Variants in DAB1 observed in about 807,000 individuals in gnomAD.
DAB1 encodes disabled homolog 1.
DAB1 carries 15 observed loss-of-function variants against 64.6 expected under a neutral mutation model. That is an observed-to-expected ratio of 0.23 (90% CI 0.16 to 0.36). The LOEUF is 0.36. DAB1 is among the 10% of genes least tolerant of loss of function. The probability of loss-of-function intolerance (pLI) is 1.00; values close to 1 mark genes in which losing one functional copy is unlikely to be tolerated. For missense variants in DAB1, 596 were observed against 706.7 expected (o/e 0.84, Z 1.78); for synonymous variants, 235 against 251.9 (o/e 0.93, Z 0.64).
intron 2 of DAB1, among the ~76,000 whole-genome samples, chr1:57,223,876 A>C (rs1437803532): frequency 6.6e-6 from 1 of 152,094 alleles, no homozygotes; most frequent in Non-Finnish European, 1.5e-5. Context: ...CCTTCCTGAC[A>C]CCTTGCTTCT....
At chr1:58,259,740 T>C (rs2100415969) in intron 4 of DAB1, among the ~76,000 whole-genome samples, 1 of 152,266 alleles carries the variant, frequency 6.6e-6, no homozygotes, top group South Asian at 2.1e-4. Context: ...TGACAGACTC[T>C]TCCAAACCCA....
At chr1:57,434,769 G>A (rs983445648) in intron 7 of DAB1, among the ~76,000 whole-genome samples, 2 of 152,030 alleles carry the variant, frequency 1.3e-5, no homozygotes, top group East Asian at 1.9e-4. Context: ...AATACTGTAG[G>A]CAATTATAAT....
chr1:57,342,948 AAG>A (rs1677731717), intron 1 of DAB1, among the ~76,000 whole-genome samples: 2 of 152,190 alleles, frequency 1.3e-5, no homozygotes, highest in Admixed American at 1.3e-4. Context: ...GTTTATTGCA[AAG>A]AGAGAAAGAA....
At chr1:58,019,809 A>C (rs1166082297) in intron 5 of DAB1, among the ~76,000 whole-genome samples, 1 of 152,162 alleles carries the variant, frequency 6.6e-6, no homozygotes, top group Non-Finnish European at 1.5e-5. Context: ...AAGAGGGATC[A>C]TCATGCTGGG....
upstream of DAB1, among the ~76,000 whole-genome samples, chr1:57,887,621 T>C (rs186886866): frequency 2.3e-3 from 350 of 152,306 alleles, no homozygotes; most frequent in African/African-American, 8.1e-3. Flanking sequence ...GTGATAGACA[T>C]TGCAAAATGA....
intron 4 of DAB1, among the ~76,000 whole-genome samples, chr1:57,113,556 T>C (rs1487501034): frequency 6.6e-6 from 1 of 152,202 alleles, no homozygotes; most frequent in Non-Finnish European, 1.5e-5. Context: ...ATAGGTAATA[T>C]GTAAACAGAT....
At chr1:58,392,907 TTCC>T (rs1046659028) in intron 3 of DAB1, among the ~76,000 whole-genome samples, 1 of 152,158 alleles carries the variant, frequency 6.6e-6, no homozygotes, top group Non-Finnish European at 1.5e-5. Context: ...TCTCCTGGCT[TTCC>T]TCCTCCTCTC....
chr1:58,457,869 T>C (rs755872679), intron 3 of DAB1, among the ~76,000 whole-genome samples: 4 of 152,204 alleles, frequency 2.6e-5, no homozygotes, highest in East Asian at 1.9e-4. Flanking sequence ...CGGGGAAAGG[T>C]GGGGAGAAAA....
At position 57,818,741 on chromosome 1, in the gene DAB1, C is replaced by T. The variant is rs988107390; in HGVS notation, n.551+65258G>A. 1.1e-4 allele frequency among the ~76,000 whole-genome samples: 16 copies of T among 149,940 alleles called. 1 individual carries two copies. Among genetic ancestry groups the T allele is most frequent in the African/African-American group, 3.9e-4 (16 of 41,046 alleles). Reference sequence around the variant, plus strand: ...TATATATCTGATTACTAAATCAAGTCTGCTAATAACTACATTATATATATA... The same window carrying T: ...TATATATCTGATTACTAAATCAAGTTTGCTAATAACTACATTATATATATA... On this transcript the variant is annotated intron_variant and non_coding_transcript_variant, in intron 6 of 20. Coordinates refer to the DAB1 transcript ENST00000485760.
At chr1:58,495,192 T>C (rs1645776493) in intron 3 of DAB1, among the ~76,000 whole-genome samples, 1 of 152,112 alleles carries the variant, frequency 6.6e-6, no homozygotes, top group South Asian at 2.1e-4. Flanking sequence ...CACTGCAGGT[T>C]CTCACTCATA....
intron 5 of DAB1, among the ~76,000 whole-genome samples, chr1:58,046,149 G>C (rs4097306): frequency 0.47 from 71,940 of 152,010 alleles, 17,134 homozygotes; most frequent in Non-Finnish European, 0.5. Context: ...TCCTGTGGTA[G>C]ATACCAGAGA....
At position 57,538,307 on chromosome 1, in the gene DAB1, A is replaced by G. The variant is rs116084473; in HGVS notation, n.625+111285T>C. Among the ~76,000 whole-genome samples the G allele has an allele frequency of 8.3e-3, 1,264 of 152,198 alleles. 15 individuals carry two copies. The highest frequency in any genetic ancestry group is 0.029 in the African/African-American group (1,213 of 41,514). Reference sequence around the variant, plus strand: ...CTTTTCCTGAGCAGCTAGCATTCTTAGCTTCCTGCCAGAGGGCACAGAAGA... The same window carrying G: ...CTTTTCCTGAGCAGCTAGCATTCTTGGCTTCCTGCCAGAGGGCACAGAAGA... On this transcript the variant is annotated intron_variant and non_coding_transcript_variant, in intron 7 of 20. Transcript: ENST00000485760.
At position 57,389,018 on chromosome 1, in the gene DAB1, C is replaced by A. The variant is rs191821405; in HGVS notation, c.-137+34912G>T. Among the ~76,000 whole-genome samples the A allele has an allele frequency of 9.8e-5, 15 of 152,338 alleles. No homozygotes were observed. In the East Asian group the frequency reaches 2.9e-3, roughly 29 times the overall value. On this transcript the variant is annotated intron_variant, in intron 1 of 14. Coordinates refer to ENST00000371236, the MANE Select transcript of DAB1 (RefSeq NM_001365792.1). ...TTTAGAAGGACATTTCAAAGATATT[C>A]TCTTTCACACCACAAAAGTAACTGA...
chr1:57,367,508 C>A, intron 1 of DAB1, among the ~76,000 whole-genome samples: 1 of 152,146 alleles, frequency 6.6e-6, no homozygotes, highest in Admixed American at 6.5e-5. Flanking sequence ...CATCAGCTTG[C>A]AGTAAGAATC....
At chr1:58,033,023 G>A (rs1048929582) in intron 5 of DAB1, among the ~76,000 whole-genome samples, 5 of 152,128 alleles carry the variant, frequency 3.3e-5, no homozygotes, top group South Asian at 2.1e-4. Context: ...TGGAATGGGC[G>A]TGCCTGGTGC....
At chr1:57,393,568 C>A (rs759511626) in intron 1 of DAB1, among the ~76,000 whole-genome samples, 3 of 152,054 alleles carry the variant, frequency 2.0e-5, no homozygotes, top group Non-Finnish European at 4.4e-5. Flanking sequence ...TGGTGGCATG[C>A]ACCTGTAGTC....
intron 8 of DAB1, among the ~76,000 whole-genome samples, chr1:57,065,950 T>C (rs1557658889): frequency 1.1e-5 from 1 of 89,490 alleles, no homozygotes; most frequent in African/African-American, 4.1e-5. Context: ...ATAAATAATC[T>C]TTTTTTTGTG....
intron 6 of DAB1, among the ~76,000 whole-genome samples, chr1:57,703,911 T>G (rs942351218): frequency 1.3e-5 from 2 of 152,150 alleles, no homozygotes; most frequent in African/African-American, 2.4e-5. Flanking sequence ...CTGGAGGCCC[T>G]TATCCTTAGC....
chr1:57,487,134 C>T (rs1400903766), intron 7 of DAB1, among the ~76,000 whole-genome samples: 1 of 152,042 alleles, frequency 6.6e-6, no homozygotes, highest in Non-Finnish European at 1.5e-5. Flanking sequence ...TCTAGACATT[C>T]AGCTTTTAGG....
Sources: gnomAD v4.1 joint callset for allele counts (sites outside exome capture counted in the v4.1 genomes callset) on GRCh38, gnomAD v4.1.1 for gene constraint, MANE v1.5 for transcripts, NCBI Gene and HGNC (gene_info 2026-07-23, HGNC 2026-07-21) for gene names.